CHST15: variants seen among roughly 807,000 people sequenced by gnomAD.
CHST15 encodes B cell RAG associated protein (GALNAC4S-6ST).
Under a neutral mutation model 53.6 loss-of-function variants are expected in CHST15, and 30 were observed. The ratio of observed to expected loss-of-function variants is 0.56; its 90% confidence interval spans 0.42 to 0.76. The LOEUF (loss-of-function observed/expected upper bound fraction) is 0.76, where lower values mean the gene tolerates loss of function less well. Among genes scored for constraint, CHST15 ranks in the 30% least tolerant of loss-of-function variants. CHST15 has a pLI of 0.00. For missense variants in CHST15, 627 were observed against 740.5 expected (o/e 0.85, Z 1.78); for synonymous variants, 296 against 289.8 (o/e 1.02, Z -0.22).
chr10:124,085,025 C>T (rs1949373640), intron 1 of CHST15, among the ~76,000 whole-genome samples: 1 of 152,242 alleles, frequency 6.6e-6, no homozygotes, highest in Non-Finnish European at 1.5e-5. Flanking sequence ...GCGGTTCCTT[C>T]CATGCACAAA....
At chr10:124,067,457 A>G (rs969074701) in intron 1 of CHST15, among the ~76,000 whole-genome samples, 2 of 152,224 alleles carry the variant, frequency 1.3e-5, no homozygotes, top group African/African-American at 4.8e-5. Flanking sequence ...CTCCCAGATA[A>G]GGACCAGGAG....
chr10:124,065,977 T>C (rs939102771), intron 1 of CHST15, among the ~76,000 whole-genome samples: 4 of 152,212 alleles, frequency 2.6e-5, no homozygotes, highest in Middle Eastern at 3.2e-3. Context: ...TAAAGGAAAC[T>C]TGGAAACGTT....
intron 5 of CHST15, among the ~76,000 whole-genome samples, chr10:124,035,808 G>A (rs1419066789): frequency 6.6e-6 from 1 of 152,168 alleles, no homozygotes; most frequent in Non-Finnish European, 1.5e-5. Flanking sequence ...TCTTCTCCAG[G>A]TCAGTTCCTT....
At chr10:124,049,644 G>A (rs895530823) in intron 1 of CHST15, among the ~76,000 whole-genome samples, 3 of 152,150 alleles carry the variant, frequency 2.0e-5, no homozygotes, top group Admixed American at 2.0e-4. Flanking sequence ...GAGGAAGAGG[G>A]CATGGAAGCT....
At chr10:124,040,200 C>T (rs1381453778) in intron 4 of CHST15, among the ~76,000 whole-genome samples, 1 of 152,174 alleles carries the variant, frequency 6.6e-6, no homozygotes, top group Non-Finnish European at 1.5e-5. Flanking sequence ...GGCGTTTGTC[C>T]ATCCACCTGA....
intron 5 of CHST15, among the ~76,000 whole-genome samples, chr10:124,028,474 G>A (rs184970060): frequency 4.6e-5 from 7 of 151,604 alleles, no homozygotes; most frequent in Admixed American, 1.3e-4. Flanking sequence ...AATGATCCAC[G>A]TACCGTAGCA....
intron 4 of CHST15, among the ~76,000 whole-genome samples, chr10:124,039,906 G>A (rs1474828198): frequency 1.3e-5 from 2 of 152,232 alleles, no homozygotes; most frequent in Non-Finnish European, 2.9e-5. Context: ...TGAGCCAGAT[G>A]ACTGAGTCTC....
At chr10:124,061,682 T>C (rs1948579478) in intron 1 of CHST15, among the ~76,000 whole-genome samples, 1 of 151,936 alleles carries the variant, frequency 6.6e-6, no homozygotes, top group African/African-American at 2.4e-5. Context: ...AAAGAAAAAA[T>C]AATAAATGTT....
rs1212510740 is a variant in CHST15 at position 124,043,522 on chromosome 10, A to G, written c.886+1058T>C. On this transcript the variant is annotated intron_variant, in intron 3 of 7. Coordinates refer to ENST00000435907, the MANE Select transcript of CHST15 (RefSeq NM_001270764.2). ...ATTCCCTTCTAGTCAACCTGAGTCC[A>G]TTACTGGAAAACACCCTCGTGGCCT... 5.9e-5 allele frequency among the ~76,000 whole-genome samples: 9 copies of G among 152,374 alleles called. No homozygotes were observed. The South Asian group carries it at 1.2e-3, about 21-fold the overall frequency.
At chr10:124,014,677 C>T (rs919750873) in intron 6 of CHST15, among the ~76,000 whole-genome samples, 2 of 152,150 alleles carry the variant, frequency 1.3e-5, no homozygotes, top group Non-Finnish European at 2.9e-5. Flanking sequence ...GTAGGGGAGA[C>T]CAGTCTGATG....
At chr10:124,027,190 C>G (rs190572609) in intron 5 of CHST15, among the ~76,000 whole-genome samples, 151 of 152,302 alleles carry the variant, frequency 9.9e-4, no homozygotes, top group African/African-American at 3.5e-3. Context: ...GCCCCTCACA[C>G]TGGGCCCGTG....
intron 1 of CHST15, among the ~76,000 whole-genome samples, chr10:124,092,011 C>G (rs1225198732): frequency 6.6e-6 from 1 of 151,804 alleles, no homozygotes; most frequent in African/African-American, 2.4e-5. Context: ...TCAACACGCA[C>G]ACACTCGCGC....
chr10:124,011,562 G>A (rs571922541), intron 7 of CHST15: 86 of 985,342 alleles, frequency 8.7e-5, no homozygotes, highest in Non-Finnish European at 4.5e-5. Flanking sequence ...GAAGGAGGGC[G>A]GCTTGTTCGA....
chr10:124,024,044 T>C lies in CHST15; in HGVS notation c.1191-2632A>G, dbSNP rs540708785. Among the ~76,000 whole-genome samples the C allele has an allele frequency of 2.0e-5, 3 of 152,194 alleles. No homozygotes were observed. The highest frequency in any genetic ancestry group is 7.2e-5 in the African/African-American group (3 of 41,540). On this transcript the variant is annotated intron_variant, in intron 5 of 7. Coordinates refer to ENST00000435907, the MANE Select transcript of CHST15 (RefSeq NM_001270764.2). This position sits in a 1 kb window ranked among gnomAD's most constrained non-coding sequence, Gnocchi z 4.0. ...ATTTTTAGTAGGGACAGGGTTTCAC[T>C]GTGTTGGCCAGGCTGGTCTCGAACT...
At chr10:124,021,961 T>G (rs1946805257) in intron 5 of CHST15, among the ~76,000 whole-genome samples, 1 of 152,196 alleles carries the variant, frequency 6.6e-6, no homozygotes. Flanking sequence ...TAACACGATG[T>G]AAAAGCACCC....
At position 124,038,528 on chromosome 10, in the gene CHST15, C is replaced by T; in HGVS notation, c.1177G>A (p.Asp393Asn). ...PNARLIVMLRDPVERLYSDYL... is the reference protein window; with the variant it reads ...PNARLIVMLRNPVERLYSDYL... ...GAAACTGCTCACCTCTCCACAGGGT[C>T]CCTGAGCATGACAATCAGTCTGGCA... Residue 393 changes from aspartate (D) to asparagine (N), a missense_variant, in exon 5 of 8, where the codon GAC becomes AAC. Transcript: ENST00000435907. The T allele has an allele frequency of 6.2e-7, 1 of 1,614,238 alleles. No homozygotes were observed.
intron 5 of CHST15, among the ~76,000 whole-genome samples, chr10:124,025,571 G>A (rs144414033): frequency 1.3e-5 from 2 of 152,326 alleles, no homozygotes; most frequent in African/African-American, 4.8e-5. Context: ...CACAAGCCAT[G>A]GCCACCATCT....
intron 5 of CHST15, 120 bp downstream of exon 5, chr10:124,038,395 T>C (rs1203365055): frequency 1.7e-6 from 2 of 1,158,078 alleles, no homozygotes; most frequent in Non-Finnish European, 2.4e-6. Context: ...CATGAGCCAC[T>C]GTACCCGACC....
chr10:124,014,215 CTG>C (rs1233651613), intron 6 of CHST15, among the ~76,000 whole-genome samples: 1 of 152,244 alleles, frequency 6.6e-6, no homozygotes, highest in African/African-American at 2.4e-5. Context: ...AGGGCAGGGA[CTG>C]TGGCTTCTCC....
Sources: allele counts gnomAD v4.1 joint callset (sites outside exome capture counted in the v4.1 genomes callset), GRCh38; gene constraint gnomAD v4.1.1; non-coding constraint Gnocchi (gnomAD v3.1); transcripts MANE v1.5; gene names NCBI Gene and HGNC (gene_info 2026-07-23, HGNC 2026-07-21).